RALGAPA2: variants seen among roughly 807,000 people sequenced by gnomAD.
RALGAPA2 encodes ral GTPase-activating protein subunit alpha-2.
Under a neutral mutation model 230.4 loss-of-function variants are expected in RALGAPA2, and 139 were observed. That is an observed-to-expected ratio of 0.60 (90% CI 0.53 to 0.69). The LOEUF is 0.69. Ranked by LOEUF, RALGAPA2 falls within the 30% of genes least tolerant of loss-of-function variation. The pLI is 0.00. For missense variants in RALGAPA2, 2,163 were observed against 2,276.0 expected (o/e 0.95, Z 1.01); for synonymous variants, 847 against 837.8 (o/e 1.01, Z -0.19).
At chr20:20,436,704 A>C (rs2060622943) in intron 37 of RALGAPA2, among the ~76,000 whole-genome samples, 1 of 152,220 alleles carries the variant, frequency 6.6e-6, no homozygotes, top group African/African-American at 2.4e-5. Flanking sequence ...TGGAGGCCGA[A>C]GAGTAATCTA....
At chr20:20,530,105 C>G (rs989005309) in intron 27 of RALGAPA2, among the ~76,000 whole-genome samples, 1 of 152,020 alleles carries the variant, frequency 6.6e-6, no homozygotes, top group African/African-American at 2.4e-5. Flanking sequence ...AGGAGGTATC[C>G]CACACACCTC....
At chr20:20,516,127 G>A (rs768259128) in intron 31 of RALGAPA2, among the ~76,000 whole-genome samples, 69 of 152,114 alleles carry the variant, frequency 4.5e-4, no homozygotes, top group Non-Finnish European at 7.3e-4. Flanking sequence ...ACTATCTCTG[G>A]AACATTACCC....
At chr20:20,445,830 C>T (rs561791078) in intron 37 of RALGAPA2, among the ~76,000 whole-genome samples, 8 of 152,234 alleles carry the variant, frequency 5.3e-5, no homozygotes, top group Non-Finnish European at 1.0e-4. Flanking sequence ...TGGCAAAATC[C>T]AGCAACTGCT....
intron 34 of RALGAPA2, chr20:20,504,944 A>G (rs6112923): frequency 0.31 from 300,513 of 957,794 alleles, 49,487 homozygotes; most frequent in East Asian, 0.56. Context: ...ATCATCCTGA[A>G]ATCTACCTTA....
intron 10 of RALGAPA2, among the ~76,000 whole-genome samples, chr20:20,624,345 A>AG (rs1476745986): frequency 2.0e-5 from 3 of 151,588 alleles, no homozygotes; most frequent in African/African-American, 4.8e-5. Flanking sequence ...AAAAAAAAAA[A>AG]AAAAGAAAGG....
intron 16 of RALGAPA2, among the ~76,000 whole-genome samples, chr20:20,593,982 T>C (rs1452000170): frequency 6.6e-6 from 1 of 152,178 alleles, no homozygotes; most frequent in East Asian, 1.9e-4. Flanking sequence ...ACGTATCAGA[T>C]GGAGAAAGTC....
Position 20,495,266 on chromosome 20 carries a change from A to C in RALGAPA2, c.5218T>G (p.Leu1740Val), listed in dbSNP as rs2062172826. 1 of 1,522,862 alleles carries C rather than the reference A, an allele frequency of 6.6e-7. No homozygotes were observed. Among genetic ancestry groups the C allele is most frequent in the Admixed American group, 1.8e-5 (1 of 56,382 alleles). 94.3% of individuals were successfully genotyped at this position (1,522,862 alleles called of 1,614,324 possible). A position where few individuals can be genotyped will look rare whatever the true frequency, so the allele number is the denominator to read the frequency against. The change falls in exon 36 of 40, where the codon TTG becomes GTG. Residue 1740 changes from leucine to valine, a missense_variant. Transcript: ENST00000202677. Reference protein sequence around the residue: ...DDSLTKKLRHLGNDEVHIVWS... With the variant: ...DDSLTKKLRHVGNDEVHIVWS... ...ACGATATGGACCTCGTCATTCCCCAAGTGACGAAGCTGCAACAGCAAATTG... is the reference window on the plus strand; with the variant it reads ...ACGATATGGACCTCGTCATTCCCCACGTGACGAAGCTGCAACAGCAAATTG...
intron 16 of RALGAPA2, among the ~76,000 whole-genome samples, chr20:20,600,460 T>C (rs1406093612): frequency 6.6e-6 from 1 of 152,114 alleles, no homozygotes; most frequent in African/African-American, 2.4e-5. Flanking sequence ...AGAAGCAGAA[T>C]AGGCTGTGCA....
intron 36 of RALGAPA2, among the ~76,000 whole-genome samples, chr20:20,478,595 A>G (rs1230744270): frequency 6.6e-6 from 1 of 152,156 alleles, no homozygotes; most frequent in Non-Finnish European, 1.5e-5. Context: ...CAAATACCGC[A>G]TGTTCTCACT....
At position 20,511,261 on chromosome 20, in the gene RALGAPA2, G is replaced by A. The variant is rs373128362; in HGVS notation, c.4921C>T (p.Arg1641Cys). Residue 1641 changes from arginine (R) to cysteine (C), a missense_variant, in exon 33 of 40, where the codon CGC (arginine) becomes TGC (cysteine). Coordinates refer to ENST00000202677, the MANE Select transcript of RALGAPA2 (RefSeq NM_020343.4). The part of the protein sequence containing the change: ...LLRELKNLDS[R>C]QCRETHKIAV... ...TGATATACTTTCACATACCACTGGC[G>A]GGAGTCCAAATTTTTCAGCTCTCTC... The A allele has an allele frequency of 8.9e-6, 14 of 1,575,724 alleles. No individual in the cohort carries two copies. Among genetic ancestry groups the A allele is most frequent in the East Asian group, 2.3e-5 (1 of 43,874 alleles).
chr20:20,406,155 C>A (rs1368200758), intron 38 of RALGAPA2, among the ~76,000 whole-genome samples: 1 of 152,146 alleles, frequency 6.6e-6, no homozygotes, highest in Non-Finnish European at 1.5e-5. Flanking sequence ...CGTTAAAATA[C>A]CCTCAGTTTT....
chr20:20,389,613 CAT>C lies in RALGAPA2; in HGVS notation c.*3674_*3675del, dbSNP rs1236723950. 3.9e-5 allele frequency: 6 copies of C among 152,136 alleles called. No individual in the cohort carries two copies. The highest frequency in any genetic ancestry group is 8.8e-5 in the Non-Finnish European group (6 of 68,046). 9.4% of individuals were successfully genotyped at this position (152,136 alleles called of 1,614,324 possible). A position where few individuals can be genotyped will look rare whatever the true frequency, so the allele number is the denominator to read the frequency against. On this transcript the variant is annotated 3_prime_UTR_variant, in exon 40 of 40. Coordinates refer to ENST00000202677, the MANE Select transcript of RALGAPA2 (RefSeq NM_020343.4). ...TAAACTATAATGAGAATGAGAGAAA[CAT>C]ATAGCACTGAAGTGCTGTGTTTCCA...
chr20:20,660,567 G>A (rs1012655578), intron 3 of RALGAPA2, among the ~76,000 whole-genome samples: 7 of 151,716 alleles, frequency 4.6e-5, no homozygotes, highest in African/African-American at 1.7e-4. Flanking sequence ...TCCTTATTAA[G>A]CTCAAAGTGC....
chr20:20,510,929 A>G lies in RALGAPA2; in HGVS notation c.4928+325T>C, dbSNP rs373327659. ...GGTATGAGCAACCACGGGCTGTTAA[A>G]CCTAGGTAAACTTTTTCTTCATCAT... On this transcript the variant is annotated intron_variant, in intron 33 of 39. Transcript: ENST00000202677. Among the ~76,000 whole-genome samples, 22 of 152,320 alleles carry G rather than the reference A, an allele frequency of 1.4e-4. No individual in the cohort carries two copies. The South Asian group carries it at 4.1e-3, about 29-fold the overall frequency.
intron 20 of RALGAPA2, among the ~76,000 whole-genome samples, chr20:20,573,778 CTCT>C (rs1195221504): frequency 1.3e-5 from 2 of 152,158 alleles, no homozygotes; most frequent in African/African-American, 4.8e-5. Context: ...TATCAGTTGT[CTCT>C]TCTTATTACT....
At chr20:20,427,908 C>A (rs2060420872) in intron 37 of RALGAPA2, among the ~76,000 whole-genome samples, 1 of 152,096 alleles carries the variant, frequency 6.6e-6, no homozygotes, top group South Asian at 2.1e-4. Context: ...ATTTCTACTC[C>A]ATTTCAGCAG....
chr20:20,673,829 T>C (rs2068224970), intron 3 of RALGAPA2, among the ~76,000 whole-genome samples: 2 of 151,902 alleles, frequency 1.3e-5, no homozygotes, highest in Non-Finnish European at 2.9e-5. Context: ...AAAAACAACA[T>C]GAGTATGAGA....
rs561171761 is a variant in RALGAPA2, at chr20:20,458,484, T to C, written c.5495+14345A>G. Among the ~76,000 whole-genome samples, 277 of 136,512 alleles carry C rather than the reference T, an allele frequency of 2.0e-3. 8 individuals carry two copies. Among genetic ancestry groups the C allele is most frequent in the African/African-American group, 7.6e-3 (265 of 34,924 alleles). 89.6% of individuals were successfully genotyped at this position (136,512 alleles called of 152,430 possible). ...TATTTTATATAATATATAATATATA[T>C]GTATTTTATATATATTATATATAAT... On this transcript the variant is annotated intron_variant, in intron 37 of 39. Coordinates refer to ENST00000202677, the MANE Select transcript of RALGAPA2 (RefSeq NM_020343.4).
chr20:20,401,364 G>A (rs1430126944), intron 38 of RALGAPA2, among the ~76,000 whole-genome samples: 2 of 152,252 alleles, frequency 1.3e-5, no homozygotes, highest in African/African-American at 2.4e-5. Flanking sequence ...TTCTGTAGAT[G>A]CCACCAGCAC....
Sources: allele counts gnomAD v4.1 joint callset (sites outside exome capture counted in the v4.1 genomes callset), GRCh38; gene constraint gnomAD v4.1.1; transcripts MANE v1.5; gene names NCBI Gene and HGNC (gene_info 2026-07-23, HGNC 2026-07-21).